Variants in PTPRG observed in about 807,000 individuals in gnomAD.
PTPRG encodes the protein receptor-type tyrosine-protein phosphatase gamma.
A neutral mutation model predicts 165.3 loss-of-function variants in PTPRG; 102 were observed. The observed-to-expected ratio is 0.62, with a 90% CI of 0.53 to 0.73. The LOEUF is 0.73. Ranked by LOEUF, PTPRG falls within the 30% of genes least tolerant of loss-of-function variation. The probability of loss-of-function intolerance (pLI) is 0.00; values close to 1 mark genes in which losing one functional copy is unlikely to be tolerated. For missense variants in PTPRG, 1,866 were observed against 1,861.4 expected (o/e 1.00, Z -0.05); for synonymous variants, 675 against 669.5 (o/e 1.01, Z -0.13).
chr3:62,051,521 G>A (rs1333244545), intron 4 of PTPRG, among the ~76,000 whole-genome samples: 2 of 152,156 alleles, frequency 1.3e-5, no homozygotes, highest in South Asian at 2.1e-4. Context: ...GAGGCATGAA[G>A]TACCTAATTT....
In PTPRG at chr3:61,864,118, A is replaced by G. The variant is rs566652967; in HGVS notation, c.190+115136A>G. Among the ~76,000 whole-genome samples, 459 of 152,274 alleles carry G rather than the reference A, an allele frequency of 3.0e-3. 1 individual carries two copies. The highest frequency in any genetic ancestry group is 2.9e-3 in the Non-Finnish European group (200 of 68,028). ...TGGGGAGAGTAAAAATACCTTACCTACCTCCTGGGTTATTAGGAGAACACA... is the reference window on the plus strand; with the variant it reads ...TGGGGAGAGTAAAAATACCTTACCTGCCTCCTGGGTTATTAGGAGAACACA... On this transcript the variant is annotated intron_variant, in intron 2 of 29. Coordinates refer to ENST00000474889, the MANE Select transcript of PTPRG (RefSeq NM_002841.4).
rs575070231 is a variant in PTPRG, at chr3:61,674,186, A to T, written c.86-74692A>T. On this transcript the variant is annotated intron_variant, in intron 1 of 29. Coordinates refer to ENST00000474889, the MANE Select transcript of PTPRG (RefSeq NM_002841.4). ...CCCAGAACAAGTATAATAATAATAA[A>T]AAAAAAAAAGAAACATGGCTTTGCA... Among the ~76,000 whole-genome samples the T allele has an allele frequency of 2.8e-3, 377 of 135,402 alleles. 1 individual carries two copies. Among genetic ancestry groups the T allele is most frequent in the African/African-American group, 6.6e-3 (196 of 29,632 alleles). The allele number at this position is 135,402 out of a possible 152,430, so 88.8% of individuals were successfully genotyped here.
At chr3:61,796,695 C>T (rs2035055478) in intron 2 of PTPRG, among the ~76,000 whole-genome samples, 1 of 152,166 alleles carries the variant, frequency 6.6e-6, no homozygotes, top group Non-Finnish European at 1.5e-5. Flanking sequence ...CTTTTTAGGT[C>T]ATAGATTTTG....
At chr3:61,976,355 A>G (rs1309404899) in intron 2 of PTPRG, among the ~76,000 whole-genome samples, 3 of 152,210 alleles carry the variant, frequency 2.0e-5, no homozygotes, top group African/African-American at 7.2e-5. Context: ...TAGGTCAGAA[A>G]TTGGATGACA....
chr3:61,646,734 T>A (rs1223411575), intron 1 of PTPRG, among the ~76,000 whole-genome samples: 1 of 152,202 alleles, frequency 6.6e-6, no homozygotes, highest in East Asian at 1.9e-4. Context: ...GTGACCAGCA[T>A]CACAATCTAG....
intron 4 of PTPRG, among the ~76,000 whole-genome samples, chr3:62,015,252 C>G (rs1431642210): frequency 6.6e-6 from 1 of 152,190 alleles, no homozygotes; most frequent in Non-Finnish European, 1.5e-5. Flanking sequence ...CACTGAGGCC[C>G]TGAGACAGGA....
In PTPRG at chr3:62,240,696, AGCTCCCTCT is replaced by A. The variant is rs1194663508; in HGVS notation, c.2376-3106_2376-3098del. Among the ~76,000 whole-genome samples the A allele has an allele frequency of 6.6e-6, 1 of 152,078 alleles. No individual in the cohort carries two copies. Among genetic ancestry groups the A allele is most frequent in the Non-Finnish European group, 1.5e-5 (1 of 68,022 alleles). Reference sequence around the variant, plus strand: ...CCTTCCAGTTTCCTAAAATGCACCAAGCTCCCTCTGCTCTAAGGCTCTTCAACTAGCTGC... The same window carrying A: ...CCTTCCAGTTTCCTAAAATGCACCAAGCTCTAAGGCTCTTCAACTAGCTGC... On this transcript the variant is annotated intron_variant, in intron 14 of 29. Coordinates refer to ENST00000474889, the MANE Select transcript of PTPRG (RefSeq NM_002841.4). The surrounding 1 kb of genome is among the most constrained non-coding windows in gnomAD (Gnocchi z 5.1).
intron 1 of PTPRG, among the ~76,000 whole-genome samples, chr3:61,628,532 C>T (rs1037526190): frequency 6.6e-6 from 1 of 152,098 alleles, no homozygotes; most frequent in Non-Finnish European, 1.5e-5. Context: ...CAGGGTTTTA[C>T]CATGTTGGCC....
intron 4 of PTPRG, among the ~76,000 whole-genome samples, chr3:62,034,575 C>T (rs749293645): frequency 1.8e-4 from 28 of 152,284 alleles, no homozygotes; most frequent in Admixed American, 3.3e-4. Flanking sequence ...CTTCCTAGTT[C>T]GTCAGTTACA....
intron 2 of PTPRG, among the ~76,000 whole-genome samples, chr3:61,837,326 G>C (rs1029920833): frequency 6.6e-6 from 1 of 152,330 alleles, no homozygotes; most frequent in East Asian, 1.9e-4. Flanking sequence ...GGGATTCACA[G>C]GTGTGAGCCA....
chr3:62,248,590 C>A (rs1701342491), intron 15 of PTPRG, among the ~76,000 whole-genome samples: 1 of 152,130 alleles, frequency 6.6e-6, no homozygotes, highest in African/African-American at 2.4e-5. Context: ...TTGAATATTA[C>A]AATTATTAAT....
intron 5 of PTPRG, among the ~76,000 whole-genome samples, chr3:62,127,272 G>A (rs1043787467): frequency 2.0e-5 from 3 of 152,186 alleles, no homozygotes; most frequent in African/African-American, 2.4e-5. Context: ...AATCTAGTTA[G>A]TGGTCACTAG....
chr3:61,643,309 CAGAG>C (rs1482851267), intron 1 of PTPRG, among the ~76,000 whole-genome samples: 1 of 151,672 alleles, frequency 6.6e-6, no homozygotes, highest in African/African-American at 2.4e-5. Context: ...GACAGACAGA[CAGAG>C]ACAGACATAC....
rs1254296624 is a variant in PTPRG at position 61,641,039 on chromosome 3, G to T, written c.85+78667G>T. On this transcript the variant is annotated intron_variant, in intron 1 of 29. Transcript: ENST00000474889. ...GCTTCGGCTAGAAGATGTCCAGGCA[G>T]GTTATCTTCTAACTACATGCAACTA... Among the ~76,000 whole-genome samples, 5 of 152,150 alleles carry T rather than the reference G, an allele frequency of 3.3e-5. No individual in the cohort carries two copies. The East Asian group carries it at 9.6e-4, about 29-fold the overall frequency.
intron 1 of PTPRG, among the ~76,000 whole-genome samples, chr3:61,606,985 T>C (rs750531355): frequency 1.5e-4 from 23 of 152,116 alleles, no homozygotes; most frequent in Non-Finnish European, 2.8e-4. Context: ...TCAGATGACG[T>C]CCCCACCTAC....
chr3:61,643,747 G>T (rs963442396), intron 1 of PTPRG, among the ~76,000 whole-genome samples: 2 of 148,962 alleles, frequency 1.3e-5, no homozygotes, highest in Admixed American at 1.3e-4. Flanking sequence ...CTGGGTAACA[G>T]AATGAGACTC....
intron 17 of PTPRG, chr3:62,264,242 G>A (rs562003979): frequency 1.3e-5 from 2 of 152,310 alleles, no homozygotes; most frequent in African/African-American, 4.8e-5. Context: ...GAACCCAGGA[G>A]GGGGAGGTTG....
intron 2 of PTPRG, among the ~76,000 whole-genome samples, chr3:61,828,671 A>G (rs182429128): frequency 2.4e-4 from 37 of 152,318 alleles, no homozygotes; most frequent in African/African-American, 8.2e-4. Flanking sequence ...CGTCGGATGC[A>G]TTGGAAAGGC....
chr3:62,177,095 C>G (rs1705454919), intron 8 of PTPRG, among the ~76,000 whole-genome samples: 2 of 152,028 alleles, frequency 1.3e-5, no homozygotes, highest in Non-Finnish European at 2.9e-5. Flanking sequence ...GACCCCATCT[C>G]CACCAAGAAA....
Sources: gnomAD v4.1 joint callset for allele counts (sites outside exome capture counted in the v4.1 genomes callset) on GRCh38, gnomAD v4.1.1 for gene constraint, Gnocchi (gnomAD v3.1) non-coding constraint, MANE v1.5 for transcripts, NCBI Gene and HGNC (gene_info 2026-07-23, HGNC 2026-07-21) for gene names.